Variants in ERH observed in about 807,000 individuals in gnomAD.
ERH encodes the protein enhancer of rudimentary homolog.
In ERH, 1 loss-of-function variant was observed where a neutral mutation model predicts 16.8. That is an observed-to-expected ratio of 0.06 (90% CI 0.02 to 0.28). The LOEUF is 0.28. ERH is among the 10% of genes least tolerant of loss of function. The probability of loss-of-function intolerance (pLI) is 1.00; values close to 1 mark genes in which losing one functional copy is unlikely to be tolerated. For missense variants in ERH, 42 were observed against 127.5 expected (o/e 0.33, Z 3.23); for synonymous variants, 43 against 43.6 (o/e 0.99, Z 0.05).
rs79631561 is a variant in ERH, at chr14:69,391,020, C to G, written c.91+3805G>C. On this transcript the variant is annotated intron_variant, in intron 2 of 3. Coordinates refer to ENST00000557016, the MANE Select transcript of ERH (RefSeq NM_004450.3). ...AGGATGTGGAACAGAAACTCATTCA[C>G]GCTGGTGGGAATGCAAAATGGTCCT... Among the ~76,000 whole-genome samples the G allele has an allele frequency of 6.3e-3, 966 of 152,310 alleles. 7 individuals carry two copies. Among genetic ancestry groups the G allele is most frequent in the African/African-American group, 0.022 (927 of 41,558 alleles).
chr14:69,388,671 C>A (rs1215831448), intron 2 of ERH, among the ~76,000 whole-genome samples: 1 of 152,104 alleles, frequency 6.6e-6, no homozygotes, highest in East Asian at 1.9e-4. Flanking sequence ...CTGATACTCT[C>A]CTTTCTTATT....
chr14:69,387,780 C>G (rs1011747172), intron 2 of ERH, among the ~76,000 whole-genome samples: 3 of 151,364 alleles, frequency 2.0e-5, no homozygotes, highest in Non-Finnish European at 4.4e-5. Flanking sequence ...CACAGTGGCT[C>G]ACGCCTGTAA....
intron 3 of ERH, among the ~76,000 whole-genome samples, chr14:69,380,949 G>C (rs1268090856): frequency 3.3e-5 from 5 of 152,152 alleles, no homozygotes. Context: ...CTCCTACATA[G>C]TTTCTATTTT....
chr14:69,386,514 A>T (rs1169863039), intron 3 of ERH: 1 of 152,706 alleles, frequency 6.5e-6, no homozygotes, highest in Non-Finnish European at 1.5e-5. Flanking sequence ...CAAATATGTT[A>T]AAAAATCTCA....
intron 2 of ERH, 36 bp downstream of exon 2, chr14:69,394,789 G>A: frequency 1.3e-6 from 2 of 1,495,230 alleles, no homozygotes; most frequent in Non-Finnish European, 1.8e-6. Context: ...TCCTAAATGA[G>A]ACATTTTTCT....
chr14:69,397,567 ATAGT>A (rs138243051), intron 1 of ERH, among the ~76,000 whole-genome samples: 8,855 of 152,166 alleles, frequency 0.058, 846 homozygotes, highest in African/African-American at 0.2. Context: ...AGCTTCGAGA[ATAGT>A]TAGACAACCC....
intron 2 of ERH, 45 bp from the exon 3 acceptor site, chr14:69,387,128 A>G (rs1202126100): frequency 6.4e-7 from 1 of 1,562,738 alleles, no homozygotes; most frequent in East Asian, 2.2e-5. Context: ...AATCGCATAC[A>G]CTTCTAGATA....
At chr14:69,393,025 T>C (rs376781854) in intron 2 of ERH, among the ~76,000 whole-genome samples, 1 of 152,168 alleles carries the variant, frequency 6.6e-6, no homozygotes, top group South Asian at 2.1e-4. Context: ...CTTTAAGAAT[T>C]AGAGTAGATG....
At chr14:69,396,513 G>A (rs1303612731) in intron 1 of ERH, among the ~76,000 whole-genome samples, 4 of 152,152 alleles carry the variant, frequency 2.6e-5, no homozygotes, top group African/African-American at 4.8e-5. Flanking sequence ...TGCCTGCCTC[G>A]GCCTCCCAAA....
At position 69,390,878 on chromosome 14, in the gene ERH, T is replaced by C. The variant is rs115263372; in HGVS notation, c.92-3795A>G. Among the ~76,000 whole-genome samples the C allele has an allele frequency of 3.1e-3, 478 of 152,348 alleles. 4 individuals are homozygous for C. Among genetic ancestry groups the C allele is most frequent in the African/African-American group, 0.011 (464 of 41,586 alleles). On this transcript the variant is annotated intron_variant, in intron 2 of 3. Transcript: ENST00000557016. ...CTGGATACCTCAATAAAGATGCAGA[T>C]GGCAAATAAGCACATGAAAAGATGA...
intron 2 of ERH, among the ~76,000 whole-genome samples, chr14:69,388,841 A>C (rs2045907783): frequency 6.6e-6 from 1 of 152,154 alleles, no homozygotes; most frequent in African/African-American, 2.4e-5. Context: ...TAACTTTATA[A>C]ATTTCCTAAT....
chr14:69,387,848 T>C (rs902494832), intron 2 of ERH, among the ~76,000 whole-genome samples: 4 of 152,054 alleles, frequency 2.6e-5, no homozygotes, highest in African/African-American at 9.6e-5. Flanking sequence ...ATAGAGACCA[T>C]CCTGGCCAAC....
intron 3 of ERH, among the ~76,000 whole-genome samples, chr14:69,380,982 A>G (rs1226191341): frequency 6.6e-6 from 1 of 152,248 alleles, no homozygotes; most frequent in East Asian, 1.9e-4. Context: ...AGTGATTAAA[A>G]AACAACAACA....
chr14:69,398,005 C>A (rs898685154), intron 1 of ERH: 4 of 613,002 alleles, frequency 6.5e-6, no homozygotes, highest in Non-Finnish European at 1.2e-5. Flanking sequence ...CACGCCGGAC[C>A]CGAGCGAGCA....
intron 2 of ERH, among the ~76,000 whole-genome samples, chr14:69,389,803 A>C (rs2045914292): frequency 6.6e-6 from 1 of 152,094 alleles, no homozygotes. Flanking sequence ...ACACAGTCTC[A>C]TTCTGTTGCC....
At chr14:69,394,795 T>C (rs769523037) in intron 2 of ERH, 30 bp downstream of exon 2, 3 of 1,545,056 alleles carry the variant, frequency 1.9e-6, no homozygotes, top group Admixed American at 3.7e-5. Context: ...ATGAGACATT[T>C]TTCTACCCCT....
rs1287680933 is a variant in ERH, at chr14:69,385,666, A to T, written c.212+1297T>A. ...TAAAAAAAAGGAAAAAAAAAAAAAA[A>T]GCAAGCCTGTAATGGCCACCTATAA... On this transcript the variant is annotated intron_variant, in intron 3 of 3. Coordinates refer to ENST00000557016, the MANE Select transcript of ERH (RefSeq NM_004450.3). Among the ~76,000 whole-genome samples the T allele has an allele frequency of 2.7e-5, 4 of 149,118 alleles. No individual in the cohort carries two copies. In the South Asian group the frequency reaches 8.6e-4, roughly 32 times the overall value.
intron 3 of ERH, among the ~76,000 whole-genome samples, chr14:69,384,686 T>C (rs373184366): frequency 6.6e-6 from 1 of 150,848 alleles, no homozygotes; most frequent in African/African-American, 2.5e-5. Context: ...TATCAATAAT[T>C]TTAGAAAGCT....
rs531610559 is a variant in ERH, at chr14:69,398,287, G to A, written c.-54C>T. On this transcript the variant is annotated 5_prime_UTR_variant, in exon 1 of 4. Coordinates refer to ENST00000557016, the MANE Select transcript of ERH (RefSeq NM_004450.3). ...TGCCGACACCGCCGCCGTTACACGA[G>A]CTTAACTACAACGCCGCTAACAGCC... is the stretch of plus-strand genomic sequence containing the variant. 9.3e-6 allele frequency: 15 copies of A among 1,613,332 alleles called. No individual in the cohort carries two copies. The highest frequency in any genetic ancestry group is 1.7e-4 in the Middle Eastern group (1 of 6,060).
Sources: allele counts gnomAD v4.1 joint callset (sites outside exome capture counted in the v4.1 genomes callset), GRCh38; gene constraint gnomAD v4.1.1; transcripts MANE v1.5; gene names NCBI Gene and HGNC (gene_info 2026-07-23, HGNC 2026-07-21).